CEP128: variants seen among roughly 807,000 people sequenced by gnomAD.
The protein encoded by CEP128 is centrosomal protein 128kDa.
In CEP128, 132 loss-of-function variants were observed where a neutral mutation model predicts 156.7. The observed-to-expected ratio is 0.84, with a 90% CI of 0.73 to 0.97. The LOEUF (loss-of-function observed/expected upper bound fraction) is 0.97, where lower values mean the gene tolerates loss of function less well. Ranked by LOEUF, CEP128 falls within the 50% of genes least tolerant of loss-of-function variation. CEP128 has a pLI of 0.00. For missense variants in CEP128, 1,252 were observed against 1,281.9 expected (o/e 0.98, Z 0.36); for synonymous variants, 469 against 448.9 (o/e 1.04, Z -0.57).
chr14:80,561,896 C>CTATATA (rs145642470), intron 20 of CEP128, among the ~76,000 whole-genome samples: 6,847 of 142,216 alleles, frequency 0.048, 380 homozygotes, highest in South Asian at 0.14. Context: ...ATACGAAGGT[C>CTATATA]TATATATATA....
At chr14:80,595,350 A>G (rs1193385692) in intron 19 of CEP128, among the ~76,000 whole-genome samples, 3 of 152,216 alleles carry the variant, frequency 2.0e-5, no homozygotes, top group Non-Finnish European at 4.4e-5. Flanking sequence ...GAAGGATAGC[A>G]TTAGGAGAAA....
At chr14:80,884,970 G>A (rs979635497) in intron 8 of CEP128, among the ~76,000 whole-genome samples, 2 of 152,166 alleles carry the variant, frequency 1.3e-5, no homozygotes, top group African/African-American at 2.4e-5. Context: ...GAGGGGCATC[G>A]CCATTACTGA....
chr14:80,594,343 A>G (rs2140499387), intron 19 of CEP128, among the ~76,000 whole-genome samples: 1 of 152,350 alleles, frequency 6.6e-6, no homozygotes, highest in South Asian at 2.1e-4. Context: ...AAAGACTTAA[A>G]CATAAGACCT....
chr14:80,590,626 A>G (rs370365388), intron 19 of CEP128, among the ~76,000 whole-genome samples: 1 of 152,146 alleles, frequency 6.6e-6, no homozygotes, highest in Non-Finnish European at 1.5e-5. Flanking sequence ...GAAAGGACAT[A>G]AGAGAAAGAA....
intron 16 of CEP128, among the ~76,000 whole-genome samples, chr14:80,769,735 C>A (rs1245835642): frequency 6.6e-6 from 1 of 151,980 alleles, no homozygotes; most frequent in African/African-American, 2.4e-5. Context: ...ATAACAAGCA[C>A]CTCTTAGGTG....
At chr14:80,584,994 T>C (rs1891756841) in intron 19 of CEP128, among the ~76,000 whole-genome samples, 1 of 152,252 alleles carries the variant, frequency 6.6e-6, no homozygotes, top group Non-Finnish European at 1.5e-5. Context: ...ACCATGTAAA[T>C]TGCTGTGGTG....
chr14:80,828,361 G>A (rs1194528580), intron 13 of CEP128, among the ~76,000 whole-genome samples: 1 of 152,062 alleles, frequency 6.6e-6, no homozygotes, highest in Non-Finnish European at 1.5e-5. Context: ...GACCTCAAGT[G>A]ATCCGCCTGC....
chr14:80,504,850 T>C, intron 24 of CEP128, 62 bp downstream of exon 24: 1 of 819,548 alleles, frequency 1.2e-6, no homozygotes, highest in Non-Finnish European at 1.9e-6. Flanking sequence ...TAAACTAATT[T>C]TCCCATGTGT....
At chr14:80,753,825 A>G (rs558474600) in intron 18 of CEP128, among the ~76,000 whole-genome samples, 4 of 152,346 alleles carry the variant, frequency 2.6e-5, no homozygotes, top group African/African-American at 7.2e-5. Flanking sequence ...TACTTTGGCT[A>G]GAAAATCCTG....
At position 80,580,375 on chromosome 14, in the gene CEP128, T is replaced by G; in HGVS notation, c.2855A>C (p.Gln952Pro). Residue 952 changes from glutamine (Q) to proline (P), a missense_variant and splice_region_variant, in exon 20 of 25, where the codon CAG (glutamine) becomes CCG (proline). Coordinates refer to ENST00000555265, the MANE Select transcript of CEP128 (RefSeq NM_152446.5). ...TGCTTGCCCTATTTAAGAATTTACC[T>G]GCAGAGATCCCATTTCTTCATCTTT... ...QRKDEEMGSLQDRVIALETST... is the reference protein window; with the variant it reads ...QRKDEEMGSLPDRVIALETST... 4 of 1,595,616 alleles carry G rather than the reference T, an allele frequency of 2.5e-6. No homozygotes were observed. Among genetic ancestry groups the G allele is most frequent in the Non-Finnish European group, 3.4e-6 (4 of 1,165,292 alleles).
chr14:80,767,279 C>T (rs1400594106), intron 16 of CEP128, among the ~76,000 whole-genome samples: 1 of 152,088 alleles, frequency 6.6e-6, no homozygotes, highest in Non-Finnish European at 1.5e-5. Flanking sequence ...GCAGTTTCAA[C>T]TGTCTTACAA....
chr14:80,562,658 T>TC (rs1258817709), intron 20 of CEP128, among the ~76,000 whole-genome samples: 2 of 121,840 alleles, frequency 1.6e-5, no homozygotes, highest in Non-Finnish European at 3.6e-5. Context: ...TTCTTTTCTT[T>TC]TTTTTTTTTT....
downstream of CEP128, among the ~76,000 whole-genome samples, chr14:80,489,780 GTGGA>G: frequency 6.6e-6 from 1 of 152,094 alleles, no homozygotes; most frequent in African/African-American, 2.4e-5. Context: ...GACATCTCCA[GTGGA>G]AGTGGAAAAA....
chr14:80,956,876 C>T (rs1017626819), intron 2 of CEP128, among the ~76,000 whole-genome samples: 8 of 152,164 alleles, frequency 5.3e-5, no homozygotes, highest in Non-Finnish European at 1.2e-4. Context: ...AGTTCAATAA[C>T]CTCCAAACAG....
At chr14:80,701,635 T>A (rs958050583) in intron 19 of CEP128, among the ~76,000 whole-genome samples, 10 of 152,200 alleles carry the variant, frequency 6.6e-5, no homozygotes, top group African/African-American at 2.4e-4. Context: ...AAGGGACCGC[T>A]TGAAATTTTA....
chr14:80,838,915 C>A (rs529741650), intron 10 of CEP128, among the ~76,000 whole-genome samples: 1 of 151,976 alleles, frequency 6.6e-6, no homozygotes, highest in Admixed American at 6.6e-5. Flanking sequence ...CTGGCTAACA[C>A]GGTGAAACCC....
chr14:80,520,989 ATTTTTTTTTTTTT>A (rs533538115), intron 23 of CEP128, among the ~76,000 whole-genome samples: 1 of 114,586 alleles, frequency 8.7e-6, no homozygotes, highest in Admixed American at 9.0e-5. Flanking sequence ...CGCCCAGCTA[ATTTTTTTTTTTTT>A]TTTTTTTTTT....
intron 19 of CEP128, among the ~76,000 whole-genome samples, chr14:80,653,718 C>T (rs532213317): frequency 3.3e-5 from 5 of 152,190 alleles, no homozygotes; most frequent in South Asian, 4.1e-4. Flanking sequence ...AAATCTCCTC[C>T]GTCCATGTCT....
In CEP128 at chr14:80,785,663, A is replaced by T. The variant is rs908572068; in HGVS notation, c.1561-118T>A. On this transcript the variant is annotated intron_variant, in intron 14 of 24. Transcript: ENST00000555265. The stretch of plus-strand genomic sequence containing the variant: ...CCACAAGGAAAAAAAAAATTCATCA[A>T]ATAATTTTTGTATTTTTCCCATTTT... 5 of 729,634 alleles carry T rather than the reference A, an allele frequency of 6.9e-6. No homozygotes were observed. The East Asian group carries it at 1.4e-4, about 21-fold the overall frequency. The allele number at this position is 729,634 out of a possible 1,614,324, so 45.2% of individuals were successfully genotyped here. A position where few individuals can be genotyped will look rare whatever the true frequency, so the allele number is the denominator to read the frequency against.
Sources: allele counts gnomAD v4.1 joint callset (sites outside exome capture counted in the v4.1 genomes callset), GRCh38; gene constraint gnomAD v4.1.1; transcripts MANE v1.5; gene names NCBI Gene and HGNC (gene_info 2026-07-23, HGNC 2026-07-21).